Variants in CPNE4 observed in about 807,000 individuals in gnomAD.
The protein encoded by CPNE4 is copine 4.
CPNE4 carries 25 observed loss-of-function variants against 67.9 expected under a neutral mutation model. That is an observed-to-expected ratio of 0.37 (90% CI 0.27 to 0.51). CPNE4 has a LOEUF of 0.51. Among genes scored for constraint, CPNE4 ranks in the 20% least tolerant of loss-of-function variants. The pLI, the probability that CPNE4 is intolerant of heterozygous loss-of-function variation, is 0.93. For synonymous variants in CPNE4, 242 were observed against 244.9 expected (o/e 0.99, Z 0.11); for missense variants, 464 against 690.8 (o/e 0.67, Z 3.68).
At chr3:132,013,676 GAAT>G (rs1157578523) in intron 1 of CPNE4, among the ~76,000 whole-genome samples, 3 of 152,104 alleles carry the variant, frequency 2.0e-5, no homozygotes, top group Non-Finnish European at 1.5e-5. Context: ...AACATTTTGG[GAAT>G]AATTATTCAG....
chr3:132,010,920 A>AC (rs1402532788), intron 1 of CPNE4, among the ~76,000 whole-genome samples: 1 of 152,046 alleles, frequency 6.6e-6, no homozygotes, highest in Non-Finnish European at 1.5e-5. Context: ...CTTCAAAGGC[A>AC]CCCCAGTAGG....
intron 1 of CPNE4, among the ~76,000 whole-genome samples, chr3:131,920,849 G>A (rs779612455): frequency 5.3e-5 from 8 of 152,040 alleles, no homozygotes; most frequent in Non-Finnish European, 1.2e-4. Context: ...ATCTAGAAGG[G>A]CACTGCTCCT....
chr3:131,920,165 T>G (rs1361920120), intron 1 of CPNE4, among the ~76,000 whole-genome samples: 1 of 152,216 alleles, frequency 6.6e-6, no homozygotes, highest in Non-Finnish European at 1.5e-5. Flanking sequence ...TTTTCCTACC[T>G]TTATTGATCA....
intron 4 of CPNE4, among the ~76,000 whole-genome samples, chr3:131,698,960 T>C (rs1263656660): frequency 6.7e-6 from 1 of 149,008 alleles, no homozygotes; most frequent in East Asian, 2.0e-4. Flanking sequence ...TAAAAAGGAA[T>C]GTTCAAAATA....
At chr3:131,792,636 C>CGTGTATATATGTATATATACGCACGT (rs2083767265) in intron 2 of CPNE4, among the ~76,000 whole-genome samples, 1 of 66,962 alleles carries the variant, frequency 1.5e-5, no homozygotes, top group Non-Finnish European at 3.0e-5. Flanking sequence ...TATATACACA[C>CGTGTATATATGTATATATACGCACGT]GTGTATATAT....
At chr3:131,989,125 C>G (rs1451775466) in intron 1 of CPNE4, among the ~76,000 whole-genome samples, 2 of 152,210 alleles carry the variant, frequency 1.3e-5, no homozygotes, top group African/African-American at 2.4e-5. Context: ...GCCCACCTGT[C>G]TGAATGACTC....
intron 1 of CPNE4, among the ~76,000 whole-genome samples, chr3:132,021,193 A>T (rs1179819008): frequency 6.6e-6 from 1 of 152,194 alleles, no homozygotes; most frequent in East Asian, 1.9e-4. Flanking sequence ...TGCAAGAAGG[A>T]TCCTTAGAGA....
At chr3:131,986,497 A>C (rs962019043) in intron 1 of CPNE4, among the ~76,000 whole-genome samples, 1 of 152,216 alleles carries the variant, frequency 6.6e-6, no homozygotes, top group Non-Finnish European at 1.5e-5. Flanking sequence ...AGCAGCAAAC[A>C]AACAAAAAAG....
At chr3:132,002,541 T>A (rs1490622523) in intron 1 of CPNE4, among the ~76,000 whole-genome samples, 1 of 152,168 alleles carries the variant, frequency 6.6e-6, no homozygotes, top group Non-Finnish European at 1.5e-5. Flanking sequence ...AAAGTCTTTA[T>A]TAAGCATTTG....
At chr3:131,929,109 GT>G (rs1395667530) in intron 1 of CPNE4, among the ~76,000 whole-genome samples, 1 of 146,056 alleles carries the variant, frequency 6.8e-6, no homozygotes, top group African/African-American at 2.5e-5. Context: ...AGATTTCTCA[GT>G]TCAGTGAGGT....
intron 1 of CPNE4, among the ~76,000 whole-genome samples, chr3:131,925,913 CA>C (rs35825362): frequency 0.2 from 30,823 of 152,092 alleles, 3,804 homozygotes; most frequent in Non-Finnish European, 0.27. Context: ...GGACATGAGA[CA>C]TATTTTCCAC....
chr3:131,808,554 A>T (rs947600287), intron 2 of CPNE4, among the ~76,000 whole-genome samples: 9 of 152,180 alleles, frequency 5.9e-5, no homozygotes, highest in African/African-American at 2.2e-4. Flanking sequence ...ATTTTTTAAG[A>T]ATTGGTCATC....
chr3:131,892,882 C>A (rs1306966475), intron 2 of CPNE4, among the ~76,000 whole-genome samples: 1 of 151,576 alleles, frequency 6.6e-6, no homozygotes, highest in African/African-American at 2.4e-5. Context: ...AGAAAACCAA[C>A]AAACCAGATG....
chr3:131,948,046 T>C (rs1331637968), intron 1 of CPNE4, among the ~76,000 whole-genome samples: 1 of 92,982 alleles, frequency 1.1e-5, no homozygotes, highest in Admixed American at 9.8e-5. Flanking sequence ...TTTTAGGTCT[T>C]CTTTAATTTC....
At chr3:131,889,897 G>C (rs1162794459) in intron 2 of CPNE4, among the ~76,000 whole-genome samples, 1 of 152,082 alleles carries the variant, frequency 6.6e-6, no homozygotes, top group Non-Finnish European at 1.5e-5. Flanking sequence ...ATGTGCAAAA[G>C]AATGAAATTG....
chr3:131,583,676 G>A (rs1049470146), intron 8 of CPNE4, among the ~76,000 whole-genome samples: 5 of 152,168 alleles, frequency 3.3e-5, no homozygotes, highest in African/African-American at 4.8e-5. Context: ...AATCAAACCC[G>A]TAGATACTTG....
chr3:131,606,211 T>C (rs1213555077), intron 7 of CPNE4, among the ~76,000 whole-genome samples: 1 of 152,222 alleles, frequency 6.6e-6, no homozygotes, highest in Non-Finnish European at 1.5e-5. Context: ...GAGGAAGTCT[T>C]GGCACAGCCA....
intron 7 of CPNE4, among the ~76,000 whole-genome samples, chr3:131,615,825 G>A (rs1451615578): frequency 4.0e-5 from 6 of 151,224 alleles, no homozygotes; most frequent in Non-Finnish European, 7.4e-5. Flanking sequence ...TGGAGGTTGC[G>A]GTGAGCTGAG....
chr3:131,813,831 T>A (rs1349955977), intron 2 of CPNE4, among the ~76,000 whole-genome samples: 1 of 152,124 alleles, frequency 6.6e-6, no homozygotes, highest in Non-Finnish European at 1.5e-5. Context: ...GAGTCCAAGA[T>A]CCAATATGCT....
Sources: gnomAD v4.1 joint callset for allele counts (sites outside exome capture counted in the v4.1 genomes callset) on GRCh38, gnomAD v4.1.1 for gene constraint, MANE v1.5 for transcripts, NCBI Gene and HGNC (gene_info 2026-07-23, HGNC 2026-07-21) for gene names.